PHF3: variants seen among roughly 807,000 people sequenced by gnomAD.
The protein encoded by PHF3 is PHD finger protein 3.
PHF3 carries 41 observed loss-of-function variants against 178.4 expected under a neutral mutation model. The observed-to-expected ratio is 0.23, with a 90% CI of 0.18 to 0.30. The LOEUF is 0.30. Among genes scored for constraint, PHF3 ranks in the 10% least tolerant of loss-of-function variants. PHF3 has a pLI of 1.00. For synonymous variants in PHF3, 842 were observed against 800.5 expected (o/e 1.05, Z -0.88); for missense variants, 2,346 against 2,398.1 (o/e 0.98, Z 0.45).
chr6:63,683,127 G>A (rs1392715230), intron 3 of PHF3, among the ~76,000 whole-genome samples: 1 of 151,860 alleles, frequency 6.6e-6, no homozygotes, highest in African/African-American at 2.4e-5. Context: ...GAATTAGAAA[G>A]GGTCTCTAAG....
At chr6:63,658,248 C>CT (rs1765319852) in intron 2 of PHF3, among the ~76,000 whole-genome samples, 1 of 152,184 alleles carries the variant, frequency 6.6e-6, no homozygotes, top group African/African-American at 2.4e-5. Flanking sequence ...CCTTTGGACT[C>CT]TAGGCTATGA....
In PHF3 at chr6:63,719,274, T is replaced by C. The variant is rs530857364; in HGVS notation, c.*5566T>C. On this transcript the variant is annotated 3_prime_UTR_variant, in exon 16 of 16. Transcript: ENST00000262043. ...TTTGAATGATAAATTACTACCTCGTTACTTTGTATAGACTGGAATCTGCAC... is the reference window on the plus strand; with the variant it reads ...TTTGAATGATAAATTACTACCTCGTCACTTTGTATAGACTGGAATCTGCAC... Among the ~76,000 whole-genome samples, 23 of 152,128 alleles carry C rather than the reference T, an allele frequency of 1.5e-4. No homozygotes were observed. The highest frequency in any genetic ancestry group is 3.4e-4 in the Non-Finnish European group (23 of 67,980).
At chr6:63,644,688 C>G (rs929593765) in intron 1 of PHF3, among the ~76,000 whole-genome samples, 1 of 151,778 alleles carries the variant, frequency 6.6e-6, no homozygotes, top group Non-Finnish European at 1.5e-5. Flanking sequence ...AGGACATTAA[C>G]TTTTGTGAGA....
chr6:63,710,457 G>A (rs1767877430), intron 14 of PHF3, among the ~76,000 whole-genome samples: 1 of 152,034 alleles, frequency 6.6e-6, no homozygotes, highest in African/African-American at 2.4e-5. Context: ...TCAGTTTTAG[G>A]CTTTGCAGCA....
In PHF3 at chr6:63,653,622, C is replaced by G. The variant is rs77759933; in HGVS notation, c.244+6827C>G. ...ACTTCTTCCTTTCCAATTTGGATGTCCTTTATTTAATATTTTTTTCTTTTG... is the reference window on the plus strand; with the variant it reads ...ACTTCTTCCTTTCCAATTTGGATGTGCTTTATTTAATATTTTTTTCTTTTG... On this transcript the variant is annotated intron_variant, in intron 2 of 15. Coordinates refer to ENST00000262043, the MANE Select transcript of PHF3 (RefSeq NM_001370348.2). Among the ~76,000 whole-genome samples the G allele has an allele frequency of 9.7e-4, 148 of 152,102 alleles. 1 individual carries two copies. In the East Asian group the frequency reaches 0.022, roughly 22 times the overall value.
Position 63,712,279 on chromosome 6 carries a change from C to T in PHF3, c.4691C>T (p.Pro1564Leu), listed in dbSNP as rs757261999. The T allele has an allele frequency of 1.9e-6, 3 of 1,613,642 alleles. No individual in the cohort carries two copies. The highest frequency in any genetic ancestry group is 2.7e-5 in the African/African-American group (2 of 74,864). The change falls in exon 16 of 16, where the codon CCA becomes CTA. Residue 1564 changes from proline to leucine, a missense_variant. By Grantham distance (98) the Pro-to-Leu change is moderately conservative. Coordinates refer to ENST00000262043, the MANE Select transcript of PHF3 (RefSeq NM_001370348.2). ...ACGAGTCTTAGTCTCAGAGGTAAGCCACCAGATGTTTCTACAGAAGCATTT... is the reference window on the plus strand; with the variant it reads ...ACGAGTCTTAGTCTCAGAGGTAAGCTACCAGATGTTTCTACAGAAGCATTT... ...SLTSLSLRGK[P>L]PDVSTEAFLT...
rs1033614266 is a variant in PHF3, at chr6:63,703,427, A to T, written c.3232-109A>T. 3.5e-6 allele frequency: 4 copies of T among 1,133,362 alleles called. No homozygotes were observed. In the African/African-American group the frequency reaches 4.9e-5, roughly 14 times the overall value. The allele number at this position is 1,133,362 out of a possible 1,614,324, so 70.2% of individuals were successfully genotyped here. On this transcript the variant is annotated intron_variant, in intron 10 of 15. Coordinates refer to ENST00000262043, the MANE Select transcript of PHF3 (RefSeq NM_001370348.2). Reference sequence around the variant, plus strand: ...AAAAACAAAAATCAAAAACTTATCTATGGAACAACTGCATTTTAGGAAAAT... The same window carrying T: ...AAAAACAAAAATCAAAAACTTATCTTTGGAACAACTGCATTTTAGGAAAAT...
Position 63,719,362 on chromosome 6 carries a change from AT to A in PHF3, c.*5657del, listed in dbSNP as rs772143929. Among the ~76,000 whole-genome samples, 2 of 152,094 alleles carry A rather than the reference AT, an allele frequency of 1.3e-5. No homozygotes were observed. Among genetic ancestry groups the A allele is most frequent in the African/African-American group, 4.8e-5 (2 of 41,450 alleles). ...CTTTTCTCTAATTACTTGATGATTAATTTCATATTTTTCCTTTTGAACATTA... is the reference window on the plus strand; with the variant it reads ...CTTTTCTCTAATTACTTGATGATTAATTCATATTTTTCCTTTTGAACATTA... On this transcript the variant is annotated 3_prime_UTR_variant, in exon 16 of 16. Coordinates refer to ENST00000262043, the MANE Select transcript of PHF3 (RefSeq NM_001370348.2).
intron 10 of PHF3, among the ~76,000 whole-genome samples, chr6:63,702,863 TCTGA>T (rs1355624960): frequency 1.3e-5 from 2 of 151,242 alleles, no homozygotes; most frequent in African/African-American, 2.4e-5. Context: ...CCTGGAGTGC[TCTGA>T]CTTAGTGAAT....
At chr6:63,667,270 T>C (rs1433862068) in intron 2 of PHF3, among the ~76,000 whole-genome samples, 1 of 152,188 alleles carries the variant, frequency 6.6e-6, no homozygotes, top group Non-Finnish European at 1.5e-5. Context: ...AGACTGTAAA[T>C]GAGATATATG....
At position 63,711,350 on chromosome 6, in the gene PHF3, T is replaced by G; in HGVS notation, c.3985T>G (p.Phe1329Val). The G allele has an allele frequency of 6.2e-7, 1 of 1,607,100 alleles. No homozygotes were observed. The change falls in exon 15 of 16, where the codon TTT becomes GTT. Residue 1329 changes from phenylalanine (F) to valine (V), a missense_variant. Around this residue, in one of 8 missense-constraint regions of PHF3, gnomAD observed 90 missense variants for 136.6 expected, o/e 0.66. Transcript: ENST00000262043. The stretch of plus-strand genomic sequence containing the variant: ...TAAAATTCCACACCCTCTTGTGCCT[T>G]TTGATGGACCTGGTAGGTATACGTT... ...TDKIPHPLVP[F>V]DGPGLELHRP...
chr6:63,669,967 G>C (rs939998163), intron 2 of PHF3, among the ~76,000 whole-genome samples: 3 of 152,076 alleles, frequency 2.0e-5, no homozygotes, highest in African/African-American at 4.8e-5. Context: ...ATTTATTACA[G>C]AGTTGACATT....
Position 63,714,708 on chromosome 6 carries a change from T to G in PHF3, c.*1000T>G, listed in dbSNP as rs1053686148. On this transcript the variant is annotated 3_prime_UTR_variant, in exon 16 of 16. Transcript: ENST00000262043. ...GTGCAGCTATAGCCCACTTTATAGG[T>G]AAGTTTCTGAAAACTTTTACACCAT... The G allele has an allele frequency of 1.3e-5, 2 of 152,126 alleles. No individual in the cohort carries two copies. Among genetic ancestry groups the G allele is most frequent in the African/African-American group, 4.8e-5 (2 of 41,440 alleles). 9.4% of individuals were successfully genotyped at this position (152,126 alleles called of 1,614,324 possible).
At position 63,714,908 on chromosome 6, in the gene PHF3, C is replaced by G. The variant is rs1202293869; in HGVS notation, c.*1200C>G. On this transcript the variant is annotated 3_prime_UTR_variant, in exon 16 of 16. Transcript: ENST00000262043. ...AAAAATATGAAAACTATTGTTAATT[C>G]AAATCTAAATTTATTTAAACCCTAA... The G allele has an allele frequency of 6.7e-6, 1 of 150,152 alleles. No homozygotes were observed. Among genetic ancestry groups the G allele is most frequent in the Non-Finnish European group, 1.5e-5 (1 of 67,914 alleles). 9.3% of individuals were successfully genotyped at this position (150,152 alleles called of 1,614,324 possible). A position where few individuals can be genotyped will look rare whatever the true frequency, so the allele number is the denominator to read the frequency against.
At chr6:63,707,613 C>T (rs973897747) in intron 13 of PHF3, among the ~76,000 whole-genome samples, 2 of 151,808 alleles carry the variant, frequency 1.3e-5, no homozygotes, top group Admixed American at 1.3e-4. Context: ...ATTTTGCTAT[C>T]TTGTTCGTAT....
chr6:63,694,829 T>C (rs916721230), intron 6 of PHF3, 65 bp downstream of exon 6: 6 of 927,340 alleles, frequency 6.5e-6, no homozygotes, highest in African/African-American at 1.7e-5. Context: ...ATACAATTAA[T>C]TAGTATACTT....
chr6:63,670,006 A>G (rs558199321), intron 2 of PHF3, among the ~76,000 whole-genome samples: 32 of 151,978 alleles, frequency 2.1e-4, no homozygotes, highest in Non-Finnish European at 4.1e-4. Flanking sequence ...CATATCTTTA[A>G]TCTCTTTAAT....
At chr6:63,695,618 C>G (rs1767199492) in intron 6 of PHF3, among the ~76,000 whole-genome samples, 1 of 152,072 alleles carries the variant, frequency 6.6e-6, no homozygotes, top group African/African-American at 2.4e-5. Context: ...AGGGAAAACT[C>G]TGGTTGCTCT....
intron 2 of PHF3, 121 bp from the exon 3 acceptor site, chr6:63,679,879 C>T (rs1346343895): frequency 1.7e-5 from 14 of 841,014 alleles, no homozygotes; most frequent in African/African-American, 3.4e-5. Context: ...TTTCACATTC[C>T]AGATTTTCAA....
Sources: gnomAD v4.1 joint callset for allele counts (sites outside exome capture counted in the v4.1 genomes callset) on GRCh38, gnomAD v4.1.1 for gene constraint, gnomAD v4.1.1 regional missense constraint, MANE v1.5 for transcripts, NCBI Gene and HGNC (gene_info 2026-07-23, HGNC 2026-07-21) for gene names.